Variants in FAM168A observed in about 807,000 individuals in gnomAD.
FAM168A encodes the protein protein FAM168A.
FAM168A carries 3 observed loss-of-function variants against 28.5 expected under a neutral mutation model. That is an observed-to-expected ratio of 0.11 (90% CI 0.05 to 0.27). The LOEUF (loss-of-function observed/expected upper bound fraction) is 0.27. Among genes scored for constraint, FAM168A ranks in the 10% least tolerant of loss-of-function variants. The probability of loss-of-function intolerance (pLI) is 1.00; values close to 1 mark genes in which losing one functional copy is unlikely to be tolerated. For missense variants in FAM168A, 222 were observed against 311.5 expected, an observed-to-expected ratio of 0.71 and a Z score of 2.16; for synonymous variants, 122 against 124.2, an observed-to-expected ratio of 0.98 and a Z score of 0.12.
Position 73,515,899 on chromosome 11 carries a change from G to A in FAM168A, c.-18-47407C>T, listed in dbSNP as rs540348439. The stretch of plus-strand genomic sequence containing the variant: ...GGGCGGATCACAAGGTCAGGAGATC[G>A]AGACCATCCTGGCCAACGTGGTGAA... On this transcript the variant is annotated intron_variant, in intron 1 of 7. Transcript: ENST00000356467. Among the ~76,000 whole-genome samples, 207 of 151,994 alleles carry A rather than the reference G, an allele frequency of 1.4e-3. 3 individuals carry two copies. Among genetic ancestry groups the A allele is most frequent in the Admixed American group, 2.1e-3 (32 of 15,258 alleles).
rs187639250 is a variant in FAM168A, at chr11:73,469,680, C to T, written c.-18-1188G>A. On this transcript the variant is annotated intron_variant, in intron 1 of 7. Transcript: ENST00000356467. ...GCCCTGGCAAACTACCCCAGGGCAA[C>T]GAGCTAGATAAAATTACCATCAGCC... 1.2e-4 allele frequency among the ~76,000 whole-genome samples: 19 copies of T among 152,066 alleles called. No individual in the cohort carries two copies. The East Asian group carries it at 2.1e-3, about 17-fold the overall frequency.
At chr11:73,418,402 G>A (rs1032640799) in intron 4 of FAM168A, among the ~76,000 whole-genome samples, 5 of 152,070 alleles carry the variant, frequency 3.3e-5, no homozygotes, top group African/African-American at 7.2e-5. Flanking sequence ...TTTGCCTTCC[G>A]CCATGACTGT....
At chr11:73,465,688 G>A (rs149608038) in intron 2 of FAM168A, among the ~76,000 whole-genome samples, 117 of 125,994 alleles carry the variant, frequency 9.3e-4, no homozygotes, top group African/African-American at 4.0e-3. Context: ...AACCTACAAC[G>A]GTTCAATCTC....
intron 1 of FAM168A, among the ~76,000 whole-genome samples, chr11:73,544,862 T>TTATATATATTATATATAAAATATAAA: frequency 1.0e-5 from 1 of 96,936 alleles, no homozygotes; most frequent in African/African-American, 4.8e-5. Context: ...TAATATATAA[T>TTATATATATTATATATAAAATATAAA]ATATAATTAT....
chr11:73,451,510 T>C (rs2134547527), intron 2 of FAM168A, among the ~76,000 whole-genome samples: 1 of 152,340 alleles, frequency 6.6e-6, no homozygotes. Context: ...GCAATGGGTA[T>C]TACTAAAGAT....
chr11:73,587,152 T>TAA (rs1158411875), intron 1 of FAM168A, among the ~76,000 whole-genome samples: 3,076 of 81,314 alleles, frequency 0.038, 348 homozygotes, highest in African/African-American at 0.13. Flanking sequence ...ATGGACATGT[T>TAA]AAAAAAAAAA....
At chr11:73,530,479 GA>G (rs1373341851) in intron 1 of FAM168A, among the ~76,000 whole-genome samples, 13 of 152,138 alleles carry the variant, frequency 8.5e-5, no homozygotes, top group Admixed American at 2.0e-4. Flanking sequence ...TCCAGGTTCT[GA>G]GGTGAGTGCC....
chr11:73,495,801 G>A (rs972323059), intron 1 of FAM168A, among the ~76,000 whole-genome samples: 9 of 152,040 alleles, frequency 5.9e-5, no homozygotes, highest in Non-Finnish European at 1.3e-4. Context: ...AGAGAAATTG[G>A]AACCCTTATT....
intron 4 of FAM168A, among the ~76,000 whole-genome samples, chr11:73,417,786 T>C (rs991306739): frequency 5.3e-5 from 8 of 151,996 alleles, no homozygotes; most frequent in Non-Finnish European, 7.4e-5. Flanking sequence ...GTCTCGATCT[T>C]CTGACCTTGT....
At chr11:73,421,632 G>C (rs1866794882) in intron 3 of FAM168A, among the ~76,000 whole-genome samples, 1 of 152,136 alleles carries the variant, frequency 6.6e-6, no homozygotes, top group Admixed American at 6.5e-5. Flanking sequence ...GTGGGAAACA[G>C]GAAAGGGATA....
chr11:73,414,815 T>C (rs1375089124), intron 4 of FAM168A, among the ~76,000 whole-genome samples: 1 of 152,246 alleles, frequency 6.6e-6, no homozygotes, highest in Non-Finnish European at 1.5e-5. Flanking sequence ...ACTACTATGG[T>C]CTGTCCCAGC....
At chr11:73,480,147 C>G (rs141766529) in intron 1 of FAM168A, among the ~76,000 whole-genome samples, 1 of 152,252 alleles carries the variant, frequency 6.6e-6, no homozygotes, top group African/African-American at 2.4e-5. Context: ...TTCTAGGAAT[C>G]TGCCAGAGAA....
At chr11:73,483,069 C>T (rs902079967) in intron 1 of FAM168A, among the ~76,000 whole-genome samples, 1 of 152,092 alleles carries the variant, frequency 6.6e-6, no homozygotes, top group Non-Finnish European at 1.5e-5. Flanking sequence ...AGCTGTGAGG[C>T]CTTGGATAAC....
At chr11:73,430,577 G>C in intron 3 of FAM168A, 113 bp downstream of exon 3, 1 of 968,016 alleles carries the variant, frequency 1.0e-6, no homozygotes, top group Non-Finnish European at 1.7e-6. Flanking sequence ...AGCCTGGAGA[G>C]GCTGCGCCCG....
intron 1 of FAM168A, among the ~76,000 whole-genome samples, chr11:73,500,256 CTTTTTTT>C (rs57040993): frequency 8.2e-6 from 1 of 122,596 alleles, no homozygotes; most frequent in Non-Finnish European, 1.7e-5. Context: ...CCCAGAATTC[CTTTTTTT>C]TTTTTTTTTT....
intron 1 of FAM168A, among the ~76,000 whole-genome samples, chr11:73,527,559 T>C (rs1943463638): frequency 6.6e-6 from 1 of 152,174 alleles, no homozygotes; most frequent in South Asian, 2.1e-4. Flanking sequence ...ATTTTACAGA[T>C]AAATTGAAGT....
chr11:73,409,105 G>A (rs1186285594), intron 6 of FAM168A, among the ~76,000 whole-genome samples: 1 of 152,066 alleles, frequency 6.6e-6, no homozygotes, highest in African/African-American at 2.4e-5. Context: ...GGTACCACAA[G>A]GTATTCAGGA....
intron 1 of FAM168A, among the ~76,000 whole-genome samples, chr11:73,556,546 G>A (rs1310227102): frequency 3.3e-5 from 5 of 151,944 alleles, no homozygotes; most frequent in Admixed American, 2.0e-4. Context: ...TAGGGAGAAT[G>A]GGGCAATAGG....
intron 1 of FAM168A, among the ~76,000 whole-genome samples, chr11:73,584,352 T>C (rs1944283313): frequency 6.6e-6 from 1 of 151,860 alleles, no homozygotes; most frequent in Non-Finnish European, 1.5e-5. Flanking sequence ...TATTTTTATT[T>C]TTTTGTAGAG....
Sources: allele counts gnomAD v4.1 joint callset (sites outside exome capture counted in the v4.1 genomes callset), GRCh38; gene constraint gnomAD v4.1.1; transcripts MANE v1.5; gene names NCBI Gene and HGNC (gene_info 2026-07-23, HGNC 2026-07-21).